The following TNKS variants were observed in gnomAD, a reference collection of about 807,000 sequenced individuals.
TNKS encodes tankyrase.
TNKS carries 72 observed loss-of-function variants against 135.8 expected under a neutral mutation model. The observed-to-expected ratio is 0.53, with a 90% CI of 0.44 to 0.64. TNKS has a LOEUF of 0.64. TNKS is among the 30% of genes least tolerant of loss of function. TNKS has a pLI of 0.00. For missense variants in TNKS, 1,769 were observed against 1,674.0 expected (o/e 1.06, Z -0.99); for synonymous variants, 849 against 649.3 (o/e 1.31, Z -4.68).
chr8:9,640,115 G>T (rs912219700), intron 3 of TNKS, among the ~76,000 whole-genome samples: 2 of 152,036 alleles, frequency 1.3e-5, no homozygotes, highest in Non-Finnish European at 2.9e-5. Flanking sequence ...CCAAAGTTAG[G>T]GTTTCCTTAA....
chr8:9,646,912 C>T (rs1396467753), intron 3 of TNKS, among the ~76,000 whole-genome samples: 1 of 151,998 alleles, frequency 6.6e-6, no homozygotes, highest in Non-Finnish European at 1.5e-5. Flanking sequence ...CTTTAAAACT[C>T]TTTTATAACT....
At chr8:9,747,256 C>G (rs1490337164) in intron 17 of TNKS, among the ~76,000 whole-genome samples, 21 of 141,992 alleles carry the variant, frequency 1.5e-4, no homozygotes, top group African/African-American at 5.3e-4. Flanking sequence ...ATTCCCCCCT[C>G]CTTCCCCCCC....
At chr8:9,574,287 C>G (rs943432004) in intron 1 of TNKS, among the ~76,000 whole-genome samples, 14 of 152,182 alleles carry the variant, frequency 9.2e-5, no homozygotes, top group African/African-American at 2.4e-4. Flanking sequence ...CTTGTTGCTA[C>G]CTGCTTTGCC....
chr8:9,719,906 G>A lies in TNKS; in HGVS notation c.1750-468G>A, dbSNP rs1804791513. On this transcript the variant is annotated intron_variant, in intron 11 of 26. Coordinates refer to ENST00000310430, the MANE Select transcript of TNKS (RefSeq NM_003747.3). The stretch of plus-strand genomic sequence containing the variant: ...TAATTCAATTAAGATATTATAATTA[G>A]CTATATTACCTAAATTAGAAAAGAA... Among the ~76,000 whole-genome samples, 3 of 152,154 alleles carry A rather than the reference G, an allele frequency of 2.0e-5. No individual in the cohort carries two copies. The South Asian group carries it at 6.2e-4, about 32-fold the overall frequency.
At position 9,748,159 on chromosome 8, in the gene TNKS, G is replaced by A. The variant is rs765761286; in HGVS notation, c.2779G>A (p.Ala927Thr). ...QLCALLLAHGADPTMKNQEGQ... is the reference protein window; with the variant it reads ...QLCALLLAHGTDPTMKNQEGQ... ...GTGCGCCCTCCTCCTAGCGCATGGT[G>A]CAGACCCCACCATGAAGAACCAGGA... Residue 927 changes from alanine to threonine, a missense_variant, in exon 18 of 27, where the codon GCA (alanine) becomes ACA (threonine). Physicochemically the swap from Ala to Thr is moderately conservative, Grantham distance 58. Coordinates refer to ENST00000310430, the MANE Select transcript of TNKS (RefSeq NM_003747.3). 3.7e-6 allele frequency: 6 copies of A among 1,605,182 alleles called. No individual in the cohort carries two copies. In the East Asian group the frequency reaches 1.1e-4, roughly 30 times the overall value.
chr8:9,721,520 A>G (rs181065317), intron 12 of TNKS, among the ~76,000 whole-genome samples: 94 of 151,874 alleles, frequency 6.2e-4, no homozygotes, highest in African/African-American at 2.2e-3. Context: ...TCTGTGGATT[A>G]TATCTGCTAT....
intron 24 of TNKS, 85 bp from the exon 25 acceptor site, chr8:9,766,154 A>T: frequency 2.6e-6 from 3 of 1,168,972 alleles, no homozygotes; most frequent in Non-Finnish European, 3.6e-6. Context: ...TCTTAATATT[A>T]ACCTGCCCGA....
intron 3 of TNKS, among the ~76,000 whole-genome samples, chr8:9,679,351 G>A (rs77181305): frequency 0.017 from 2,656 of 152,246 alleles, 47 homozygotes; most frequent in South Asian, 0.069. Flanking sequence ...CCTCCAAGAG[G>A]TTCATGGCAT....
chr8:9,641,657 T>A (rs1184372415), intron 3 of TNKS, among the ~76,000 whole-genome samples: 4 of 145,186 alleles, frequency 2.8e-5, no homozygotes, highest in Non-Finnish European at 6.0e-5. Context: ...ATTTTTTTTT[T>A]ATGTGTGTGT....
chr8:9,656,390 C>G (rs1476962298), intron 3 of TNKS, among the ~76,000 whole-genome samples: 1 of 152,062 alleles, frequency 6.6e-6, no homozygotes, highest in African/African-American at 2.4e-5. Context: ...ATACAGAGAA[C>G]TCCACAAAGA....
At chr8:9,583,310 A>G (rs1798242398) in intron 2 of TNKS, among the ~76,000 whole-genome samples, 1 of 152,146 alleles carries the variant, frequency 6.6e-6, no homozygotes, top group Admixed American at 6.5e-5. Context: ...TAAACAAACT[A>G]CTTAAGACTG....
intron 2 of TNKS, among the ~76,000 whole-genome samples, chr8:9,608,065 C>T (rs919048165): frequency 6.6e-6 from 1 of 152,112 alleles, no homozygotes; most frequent in Non-Finnish European, 1.5e-5. Context: ...CTGAGCCCCA[C>T]GAATAGCTGG....
intron 2 of TNKS, among the ~76,000 whole-genome samples, chr8:9,586,194 A>C (rs1015226685): frequency 5.3e-5 from 8 of 152,178 alleles, no homozygotes; most frequent in Non-Finnish European, 1.2e-4. Context: ...ATTTACTGAA[A>C]ATGCAAGAAA....
chr8:9,645,909 T>C (rs1276476027), intron 3 of TNKS, among the ~76,000 whole-genome samples: 2 of 152,198 alleles, frequency 1.3e-5, no homozygotes, highest in African/African-American at 4.8e-5. Flanking sequence ...AAATTCACAT[T>C]GTTTCTCTGA....
At position 9,563,799 on chromosome 8, in the gene TNKS, A is replaced by G. The variant is rs144929708; in HGVS notation, c.673+7187A>G. 8.8e-3 allele frequency among the ~76,000 whole-genome samples: 1,334 copies of G among 152,190 alleles called. 26 individuals are homozygous for G. The highest frequency in any genetic ancestry group is 0.088 in the South Asian group (423 of 4,828). On this transcript the variant is annotated intron_variant, in intron 1 of 26. Coordinates refer to ENST00000310430, the MANE Select transcript of TNKS (RefSeq NM_003747.3). ...TTGTGGGCATTTTTTTCTGTTAGGT[A>G]TTAATTGTCTGCGGGGATGTTATTC...
intron 3 of TNKS, among the ~76,000 whole-genome samples, chr8:9,678,784 GTTAC>G (rs1322613788): frequency 6.6e-6 from 1 of 152,100 alleles, no homozygotes; most frequent in Non-Finnish European, 1.5e-5. Flanking sequence ...TTTTTTAAAA[GTTAC>G]TTAATATTAT....
intron 26 of TNKS, among the ~76,000 whole-genome samples, chr8:9,772,753 A>G (rs1043894864): frequency 6.6e-6 from 1 of 151,296 alleles, no homozygotes; most frequent in Non-Finnish European, 1.5e-5. Context: ...GGGATAAAGG[A>G]CCATGATGAT....
intron 1 of TNKS, among the ~76,000 whole-genome samples, chr8:9,574,089 G>A (rs1430145230): frequency 2.0e-5 from 3 of 152,170 alleles, no homozygotes; most frequent in Non-Finnish European, 4.4e-5. Context: ...ATTGGGGTTA[G>A]GCTATGTGTT....
chr8:9,709,019 GATTT>G (rs1804190977), intron 9 of TNKS, among the ~76,000 whole-genome samples: 1 of 152,044 alleles, frequency 6.6e-6, no homozygotes, highest in Non-Finnish European at 1.5e-5. Flanking sequence ...CTTTCGGAAA[GATTT>G]ATTTATTTTC....
Sources: gnomAD v4.1 joint callset for allele counts (sites outside exome capture counted in the v4.1 genomes callset) on GRCh38, gnomAD v4.1.1 for gene constraint, MANE v1.5 for transcripts, NCBI Gene and HGNC (gene_info 2026-07-23, HGNC 2026-07-21) for gene names.